Variants in ARF3 observed in about 807,000 individuals in gnomAD.
ARF3 encodes the protein ADP-ribosylation factor 3.
Under a neutral mutation model 19.3 loss-of-function variants are expected in ARF3, and 5 were observed. The ratio of observed to expected loss-of-function variants is 0.26; its 90% CI spans 0.14 to 0.54. ARF3 has a LOEUF of 0.54. Among genes scored for constraint, ARF3 ranks in the 20% least tolerant of loss-of-function variants. ARF3 has a pLI of 0.95. For synonymous variants in ARF3, 71 were observed against 89.2 expected (o/e 0.80, Z 1.15); for missense variants, 77 against 234.2 (o/e 0.33, Z 4.38).
intron 1 of ARF3, among the ~76,000 whole-genome samples, chr12:48,954,594 G>C (rs977648663): frequency 6.6e-6 from 1 of 152,158 alleles, no homozygotes; most frequent in Non-Finnish European, 1.5e-5. Flanking sequence ...AATAAAGAGA[G>C]AAGACAAGCA....
chr12:48,948,270 CT>C (rs35020764), intron 1 of ARF3, among the ~76,000 whole-genome samples: 71 of 145,328 alleles, frequency 4.9e-4, no homozygotes, highest in Admixed American at 8.2e-4. Context: ...TTTATATAAT[CT>C]TTTTTTTTTT....
At chr12:48,953,645 C>A (rs1940507609) in intron 1 of ARF3, among the ~76,000 whole-genome samples, 1 of 152,158 alleles carries the variant, frequency 6.6e-6, no homozygotes, top group South Asian at 2.1e-4. Context: ...AATGGTGGAT[C>A]TCTAACATTC....
intron 1 of ARF3, among the ~76,000 whole-genome samples, chr12:48,951,023 G>C (rs1940458515): frequency 6.6e-6 from 1 of 152,146 alleles, no homozygotes; most frequent in South Asian, 2.1e-4. Context: ...CTGACCTCAA[G>C]TGATCCACCT....
At chr12:48,954,299 G>A (rs1040108919) in intron 1 of ARF3, among the ~76,000 whole-genome samples, 6 of 152,132 alleles carry the variant, frequency 3.9e-5, no homozygotes, top group African/African-American at 7.2e-5. Context: ...ATAAGCCTAC[G>A]ACCAGCACAG....
Position 48,938,600 on chromosome 12 carries a change from T to G in ARF3, c.*347A>C, listed in dbSNP as rs561267007. The G allele has an allele frequency of 2.2e-5, 10 of 456,390 alleles. No individual in the cohort carries two copies. In the Admixed American group the frequency reaches 2.5e-4, roughly 11 times the overall value. 28.3% of individuals were successfully genotyped at this position (456,390 alleles called of 1,614,324 possible). ...TGTGGGGACAGGGAAAGGACTCAGA[T>G]GCCAAGAGGACAGCAACCACTGCCA... On this transcript the variant is annotated 3_prime_UTR_variant, in exon 5 of 5. Transcript: ENST00000256682.
intron 1 of ARF3, among the ~76,000 whole-genome samples, chr12:48,944,750 C>T (rs547996630): frequency 3.0e-4 from 45 of 152,322 alleles, no homozygotes; most frequent in Middle Eastern, 3.4e-3. Context: ...ACATATTTGA[C>T]GCAGGACTGG....
chr12:48,940,106 C>A lies in ARF3; in HGVS notation c.150G>T (p.Gly50=), dbSNP rs760459153. ...TATACTCCACTGTCTCCACATTGAA[C>A]CCTTTGGAAAAAAAACAGGCAATGG... ...GEIVTTIPTI[G]FNVETVEYKN... The change falls in exon 3 of 5, where the codon GGG becomes GGT. Residue 50 remains glycine (G), a splice_region_variant and synonymous_variant. Transcript: ENST00000256682. The A allele has an allele frequency of 1.9e-6, 3 of 1,595,132 alleles. No homozygotes were observed. The highest frequency in any genetic ancestry group is 2.6e-6 in the Non-Finnish European group (3 of 1,170,240).
At chr12:48,948,970 G>A (rs893009409) in intron 1 of ARF3, among the ~76,000 whole-genome samples, 6 of 152,192 alleles carry the variant, frequency 3.9e-5, no homozygotes, top group Non-Finnish European at 8.8e-5. Flanking sequence ...TGGAGGCACA[G>A]ACACTGCTTA....
chr12:48,956,423 A>C (rs1940568072), intron 1 of ARF3: 1 of 152,198 alleles, frequency 6.6e-6, no homozygotes. Context: ...CCACTTTGCT[A>C]ATCAAGTGGC....
Position 48,938,555 on chromosome 12 carries a change from A to G in ARF3, c.*392T>C, listed in dbSNP as rs1423389444. ...AGGGAGAGGGTGGCAAAGGAAAGGC[A>G]AACAGGGAGTAGAAGGGCTTGTGGG... On this transcript the variant is annotated 3_prime_UTR_variant, in exon 5 of 5. Transcript: ENST00000256682. 6.5e-6 allele frequency: 3 copies of G among 458,258 alleles called. No homozygotes were observed. Among genetic ancestry groups the G allele is most frequent in the South Asian group, 4.7e-5 (3 of 64,312 alleles). The allele number at this position is 458,258 out of a possible 1,614,324, so 28.4% of individuals were successfully genotyped here.
intron 1 of ARF3, among the ~76,000 whole-genome samples, chr12:48,951,588 A>T (rs1158986139): frequency 1.3e-5 from 2 of 150,244 alleles, no homozygotes. Flanking sequence ...AAATAAATAA[A>T]TAATAAATAG....
chr12:48,956,750 C>T (rs897442192), intron 1 of ARF3, among the ~76,000 whole-genome samples: 2 of 152,114 alleles, frequency 1.3e-5, no homozygotes, highest in African/African-American at 4.8e-5. Context: ...GACTCGAAAG[C>T]GCAACCTCTA....
In ARF3 at chr12:48,940,113, G is replaced by GA. The variant is rs5798094; in HGVS notation, c.149-7dup. 0.36 allele frequency: 581,932 copies of GA among 1,600,482 alleles called. 105,452 individuals carry two copies. Among genetic ancestry groups the GA allele is most frequent in the Admixed American group, 0.52 (30,692 of 59,444 alleles). ...CACTGTCTCCACATTGAACCCTTTG[G>GA]AAAAAAAACAGGCAATGGCCACTTG... On this transcript the variant is annotated splice_region_variant and splice_polypyrimidine_tract_variant and intron_variant, in intron 2 of 4. Coordinates refer to ENST00000256682, the MANE Select transcript of ARF3 (RefSeq NM_001659.3).
intron 1 of ARF3, among the ~76,000 whole-genome samples, chr12:48,943,463 C>T (rs74832288): frequency 3.0e-4 from 45 of 152,294 alleles, no homozygotes; most frequent in African/African-American, 9.1e-4. Context: ...CACACACACA[C>T]CCCAAACTCA....
chr12:48,939,165 G>C lies in ARF3; in HGVS notation c.385-57C>G, dbSNP rs566913045. ...CCTCAGGATTTTTTAAAGGCTTCTA[G>C]AACACCCATCTACCAAAGAAATGTG... On this transcript the variant is annotated intron_variant, in intron 4 of 4. Transcript: ENST00000256682. The surrounding 1 kb of genome is among the most constrained non-coding windows in gnomAD (Gnocchi z 4.8). The C allele has an allele frequency of 4.5e-6, 7 of 1,563,046 alleles. No homozygotes were observed. The Admixed American group carries it at 1.1e-4, about 24-fold the overall frequency.
At chr12:48,945,612 A>T (rs1472363573) in intron 1 of ARF3, among the ~76,000 whole-genome samples, 1 of 151,536 alleles carries the variant, frequency 6.6e-6, no homozygotes, top group Non-Finnish European at 1.5e-5. Flanking sequence ...AGCACCAGCT[A>T]CTCCAGAGGC....
At chr12:48,955,814 A>C (rs546566166) in intron 1 of ARF3, 1 of 152,232 alleles carries the variant, frequency 6.6e-6, no homozygotes, top group Non-Finnish European at 1.5e-5. Flanking sequence ...CAAGGTAATA[A>C]TTCTATGCTG....
At chr12:48,940,718 C>G (rs935875086) in intron 2 of ARF3, among the ~76,000 whole-genome samples, 7 of 152,210 alleles carry the variant, frequency 4.6e-5, no homozygotes, top group African/African-American at 1.7e-4. Flanking sequence ...CTGAGGGCAG[C>G]TGTTGAGTGC....
intron 1 of ARF3, among the ~76,000 whole-genome samples, chr12:48,946,481 G>GA (rs749728333): frequency 1.8e-4 from 28 of 152,228 alleles, no homozygotes; most frequent in Non-Finnish European, 3.8e-4. Context: ...AGTTAAGACT[G>GA]AAAGTGAGTG....
Sources: gnomAD v4.1 joint callset for allele counts (sites outside exome capture counted in the v4.1 genomes callset) on GRCh38, gnomAD v4.1.1 for gene constraint, Gnocchi (gnomAD v3.1) non-coding constraint, MANE v1.5 for transcripts, NCBI Gene and HGNC (gene_info 2026-07-23, HGNC 2026-07-21) for gene names.